Variants in BRINP1 observed in about 807,000 individuals in gnomAD.
The protein encoded by BRINP1 is BMP/retinoic acid-inducible neural-specific protein 1.
BRINP1 carries 17 observed loss-of-function variants against 72.9 expected under a neutral mutation model. That is an observed-to-expected ratio of 0.23 (90% CI 0.16 to 0.35). BRINP1 has a LOEUF of 0.35. BRINP1 is among the 10% of genes least tolerant of loss of function. The pLI is 1.00. For synonymous variants in BRINP1, 418 were observed against 378.5 expected (o/e 1.10, Z -1.21); for missense variants, 850 against 1,001.6 (o/e 0.85, Z 2.04).
chr9:119,264,640 T>G (rs974705454), intron 2 of BRINP1, among the ~76,000 whole-genome samples: 3 of 152,198 alleles, frequency 2.0e-5, no homozygotes, highest in African/African-American at 7.2e-5. Context: ...TATATGAACT[T>G]TCAGAAACTA....
At chr9:119,302,596 A>C (rs1417345410) in intron 2 of BRINP1, among the ~76,000 whole-genome samples, 1 of 152,182 alleles carries the variant, frequency 6.6e-6, no homozygotes, top group Non-Finnish European at 1.5e-5. Context: ...AGTCTTTTAT[A>C]TAACATGTAC....
Position 119,225,269 on chromosome 9 carries a change from A to G in BRINP1, c.686-11114T>C, listed in dbSNP as rs545038428. ...GAACCTTGAAAATGTAAAATGGAGG[A>G]AGCCAGACACAAAATACCACATATT... On this transcript the variant is annotated intron_variant, in intron 5 of 7. Transcript: ENST00000265922. 2.0e-5 allele frequency among the ~76,000 whole-genome samples: 3 copies of G among 152,124 alleles called. 1 individual carries two copies. In the South Asian group the frequency reaches 6.2e-4, roughly 32 times the overall value.
intron 5 of BRINP1, 64 bp from the exon 6 acceptor site, chr9:119,214,219 T>C: frequency 8.2e-7 from 1 of 1,226,280 alleles, no homozygotes. Context: ...ATTAACAATT[T>C]CCAAAGGTGA....
intron 6 of BRINP1, among the ~76,000 whole-genome samples, chr9:119,211,304 T>G (rs1240671355): frequency 6.6e-6 from 1 of 152,174 alleles, no homozygotes; most frequent in Non-Finnish European, 1.5e-5. Context: ...TTCAAGCGAT[T>G]CTCCTGCCTC....
chr9:119,347,942 A>G (rs1409738346), intron 1 of BRINP1, among the ~76,000 whole-genome samples: 1 of 152,196 alleles, frequency 6.6e-6, no homozygotes, highest in Non-Finnish European at 1.5e-5. Flanking sequence ...TACATTTACT[A>G]CAATCCATGA....
At position 119,263,601 on chromosome 9, in the gene BRINP1, CTTTTTTTTTT is replaced by C. The variant is rs386416080; in HGVS notation, c.219-14461_219-14452del. On this transcript the variant is annotated intron_variant, in intron 2 of 7. Coordinates refer to ENST00000265922, the MANE Select transcript of BRINP1 (RefSeq NM_014618.3). ...CTTATAAAATACCCAGTAAACAATT[CTTTTTTTTTT>C]TTTTTTTTTTTTTTGAGACAGAGTC... is the stretch of plus-strand genomic sequence containing the variant. Among the ~76,000 whole-genome samples, 5 of 78,566 alleles carry C rather than the reference CTTTTTTTTTT, an allele frequency of 6.4e-5. No individual in the cohort carries two copies. The Admixed American group carries it at 8.8e-4, about 14-fold the overall frequency. 51.5% of individuals were successfully genotyped at this position (78,566 alleles called of 152,430 possible).
intron 2 of BRINP1, among the ~76,000 whole-genome samples, chr9:119,252,717 T>C (rs1437745082): frequency 6.6e-6 from 1 of 152,070 alleles, no homozygotes; most frequent in Non-Finnish European, 1.5e-5. Context: ...GAATTGAGTA[T>C]AGAAAACTGG....
At chr9:119,336,997 G>A (rs1831352406) in intron 1 of BRINP1, among the ~76,000 whole-genome samples, 2 of 152,036 alleles carry the variant, frequency 1.3e-5, no homozygotes, top group South Asian at 4.2e-4. Context: ...AGAGGGAGAA[G>A]GGGCCAACCT....
chr9:119,170,048 A>C (rs2118819042), intron 7 of BRINP1, among the ~76,000 whole-genome samples: 1 of 152,242 alleles, frequency 6.6e-6, no homozygotes, highest in South Asian at 2.1e-4. Context: ...GAACAGAAAA[A>C]CCGGAAACTC....
chr9:119,261,797 C>T (rs1830498220), intron 2 of BRINP1, among the ~76,000 whole-genome samples: 1 of 150,568 alleles, frequency 6.6e-6, no homozygotes, highest in East Asian at 2.0e-4. Flanking sequence ...TTCCTCCCTC[C>T]CTTCCTTTCC....
chr9:119,343,765 A>T (rs929073828), intron 1 of BRINP1, among the ~76,000 whole-genome samples: 1 of 152,110 alleles, frequency 6.6e-6, no homozygotes, highest in South Asian at 2.1e-4. Flanking sequence ...ATAATGTATA[A>T]TGTCCCTCTC....
chr9:119,321,898 T>C (rs1001649915), intron 1 of BRINP1, among the ~76,000 whole-genome samples: 1 of 152,156 alleles, frequency 6.6e-6, no homozygotes, highest in Non-Finnish European at 1.5e-5. Context: ...TCTACTTCTA[T>C]TGGGCAGCGG....
At chr9:119,204,625 A>G (rs1829834485) in intron 7 of BRINP1, among the ~76,000 whole-genome samples, 1 of 152,214 alleles carries the variant, frequency 6.6e-6, no homozygotes, top group Non-Finnish European at 1.5e-5. Flanking sequence ...CCTTTAGAAT[A>G]CACATACTAA....
At chr9:119,175,466 C>G (rs937822210) in intron 7 of BRINP1, among the ~76,000 whole-genome samples, 1 of 151,940 alleles carries the variant, frequency 6.6e-6, no homozygotes, top group African/African-American at 2.4e-5. Context: ...CACATGTATA[C>G]CTATGTAACA....
At chr9:119,277,722 C>T (rs957575846) in intron 2 of BRINP1, among the ~76,000 whole-genome samples, 5 of 152,020 alleles carry the variant, frequency 3.3e-5, no homozygotes, top group Non-Finnish European at 5.9e-5. Flanking sequence ...TGAACTAGTA[C>T]AAAATATGTC....
intron 1 of BRINP1, among the ~76,000 whole-genome samples, chr9:119,366,140 T>C (rs529058268): frequency 3.2e-4 from 48 of 152,194 alleles, no homozygotes; most frequent in Admixed American, 1.5e-3. Context: ...TTTGGAAATG[T>C]AGCAAGCAGG....
At chr9:119,173,970 C>G (rs1292078129) in intron 7 of BRINP1, among the ~76,000 whole-genome samples, 1 of 121,958 alleles carries the variant, frequency 8.2e-6, no homozygotes, top group Non-Finnish European at 1.5e-5. Flanking sequence ...TTCCTTACAC[C>G]TTATACAAAA....
chr9:119,302,299 T>C (rs1258324853), intron 2 of BRINP1, among the ~76,000 whole-genome samples: 3 of 152,188 alleles, frequency 2.0e-5, no homozygotes, highest in Admixed American at 6.5e-5. Flanking sequence ...AAAATGAGGA[T>C]GATTTTATCT....
intron 2 of BRINP1, among the ~76,000 whole-genome samples, chr9:119,271,253 G>T (rs1231137008): frequency 6.6e-6 from 1 of 150,932 alleles, no homozygotes; most frequent in Non-Finnish European, 1.5e-5. Flanking sequence ...AGTACAGGGG[G>T]AAACGATGAG....
Sources: gnomAD v4.1 joint callset for allele counts (sites outside exome capture counted in the v4.1 genomes callset) on GRCh38, gnomAD v4.1.1 for gene constraint, MANE v1.5 for transcripts, NCBI Gene and HGNC (gene_info 2026-07-23, HGNC 2026-07-21) for gene names.